Variants in EGLN1 observed in about 807,000 individuals in gnomAD.
The protein encoded by EGLN1 is egl nine homolog 1.
In EGLN1, 17 loss-of-function variants were observed where a neutral mutation model predicts 38.3. The ratio of observed to expected loss-of-function variants is 0.44; its 90% CI spans 0.30 to 0.67. EGLN1 has a LOEUF of 0.67. EGLN1 is among the 30% of genes least tolerant of loss of function. EGLN1 has a pLI of 0.08. For synonymous variants in EGLN1, 283 were observed against 257.5 expected, an observed-to-expected ratio of 1.10 and a Z score of -0.95; for missense variants, 477 against 603.3, an observed-to-expected ratio of 0.79 and a Z score of 2.19.
intron 1 of EGLN1, among the ~76,000 whole-genome samples, chr1:231,398,677 A>G (rs992566822): frequency 2.6e-5 from 4 of 152,232 alleles, no homozygotes; most frequent in African/African-American, 7.2e-5. Flanking sequence ...ATAAGAGAGA[A>G]AGATGAATGT....
Position 231,374,039 on chromosome 1 carries a change from T to G in EGLN1, c.952A>C (p.Asn318His). Residue 318 changes from asparagine to histidine, a missense_variant, in exon 2 of 5, where the codon AAT becomes CAT. Transcript: ENST00000366641. ...TGYVRHVDNP[N>H]GDGRCVTCIY... ...CATGTCACACATCTTCCATCTCCAT[T>G]TGGATTATCAACATGACGTACATAA... is the stretch of plus-strand genomic sequence containing the variant. The G allele has an allele frequency of 6.2e-7, 1 of 1,613,684 alleles. No individual in the cohort carries two copies. Among genetic ancestry groups the G allele is most frequent in the Non-Finnish European group, 8.5e-7 (1 of 1,179,606 alleles).
chr1:231,367,495 T>G, intron 4 of EGLN1, 74 bp downstream of exon 4: 69 of 1,435,858 alleles, frequency 4.8e-5, no homozygotes, highest in Non-Finnish European at 5.9e-5. Flanking sequence ...AGACTATGCT[T>G]GAGTTTCCTG....
chr1:231,367,633 G>A lies in EGLN1; in HGVS notation c.1152C>T (p.Tyr384=), dbSNP rs1687686674. 3 of 1,613,510 alleles carry A rather than the reference G, an allele frequency of 1.9e-6. No homozygotes were observed. Among genetic ancestry groups the A allele is most frequent in the Non-Finnish European group, 2.5e-6 (3 of 1,179,690 alleles). The part of the protein sequence containing the change: ...HEVQPAYATR[Y]AITVWYFDAD... ...CATCAAAATACCAAACAGTTATTGC[G>A]TACCTAAAAGAAAATTTAGAATAGG... is the stretch of plus-strand genomic sequence containing the variant. Residue 384 remains tyrosine, a synonymous_variant, in exon 4 of 5, where the codon TAC becomes TAT. Transcript: ENST00000366641.
chr1:231,386,807 G>A (rs893864462), intron 1 of EGLN1, among the ~76,000 whole-genome samples: 1 of 152,140 alleles, frequency 6.6e-6, no homozygotes, highest in Non-Finnish European at 1.5e-5. Context: ...CAGAAGGTGG[G>A]TTTTACCATC....
intron 1 of EGLN1, among the ~76,000 whole-genome samples, chr1:231,419,385 C>A (rs1261842995): frequency 6.6e-6 from 1 of 152,192 alleles, no homozygotes; most frequent in Non-Finnish European, 1.5e-5. Flanking sequence ...GCTAAATTAA[C>A]TAAGGAAAGC....
chr1:231,385,358 T>C (rs183422002), intron 1 of EGLN1, among the ~76,000 whole-genome samples: 25 of 152,222 alleles, frequency 1.6e-4, no homozygotes, highest in African/African-American at 5.5e-4. Context: ...CAGATGACAA[T>C]TAAAATGACC....
At chr1:231,418,772 G>A (rs1224589780) in intron 1 of EGLN1, among the ~76,000 whole-genome samples, 1 of 151,758 alleles carries the variant, frequency 6.6e-6, no homozygotes, top group African/African-American at 2.4e-5. Flanking sequence ...TGAGATGGCA[G>A]GATAGCTTGA....
chr1:231,380,181 G>C (rs190773693), intron 1 of EGLN1, among the ~76,000 whole-genome samples: 1 of 152,274 alleles, frequency 6.6e-6, no homozygotes, highest in Non-Finnish European at 1.5e-5. Flanking sequence ...AGAGAACAGA[G>C]AACAGATTGT....
intron 1 of EGLN1, among the ~76,000 whole-genome samples, chr1:231,403,860 ATAT>A (rs1688723159): frequency 6.6e-6 from 1 of 151,602 alleles, no homozygotes; most frequent in Admixed American, 6.6e-5. Context: ...TATTTAAGCT[ATAT>A]TGTTATTAAA....
intron 1 of EGLN1, among the ~76,000 whole-genome samples, chr1:231,402,406 T>C (rs2102926979): frequency 6.6e-6 from 1 of 152,190 alleles, no homozygotes; most frequent in East Asian, 1.9e-4. Flanking sequence ...CTCTGATGTT[T>C]TCTTTTAAAG....
intron 1 of EGLN1, among the ~76,000 whole-genome samples, chr1:231,416,712 G>C (rs1689092343): frequency 6.6e-6 from 1 of 152,022 alleles, no homozygotes; most frequent in African/African-American, 2.4e-5. Context: ...CGAACTAAAG[G>C]AGTTAGTTTA....
intron 3 of EGLN1, 78 bp from the exon 4 acceptor site, chr1:231,367,714 A>C: frequency 1.5e-6 from 2 of 1,325,340 alleles, no homozygotes; most frequent in Non-Finnish European, 2.2e-6. Context: ...TGGTATATTA[A>C]AACTTGTAAT....
intron 1 of EGLN1, among the ~76,000 whole-genome samples, chr1:231,417,756 A>G (rs550228251): frequency 1.8e-4 from 28 of 152,196 alleles, no homozygotes; most frequent in Non-Finnish European, 2.8e-4. Context: ...AAGTAGTTGC[A>G]TAAACAGCGG....
In EGLN1 at chr1:231,368,086, G is replaced by A. The variant is rs1181435422; in HGVS notation, c.1149-450C>T. ...GCCTGTAGCCCTAGCTACTCAGGAG[G>A]CTGAGAGGCAGGAGAATCGCTTGAA... On this transcript the variant is annotated intron_variant, in intron 3 of 4. Transcript: ENST00000366641. Among the ~76,000 whole-genome samples the A allele has an allele frequency of 3.9e-5, 6 of 152,322 alleles. No homozygotes were observed. The East Asian group carries it at 9.6e-4, about 24-fold the overall frequency.
intron 1 of EGLN1, among the ~76,000 whole-genome samples, chr1:231,389,938 T>C (rs948432809): frequency 3.3e-5 from 5 of 151,950 alleles, no homozygotes; most frequent in African/African-American, 1.2e-4. Context: ...TACAGCAAGA[T>C]GCTCTCTGAA....
At chr1:231,398,194 G>A (rs530037795) in intron 1 of EGLN1, among the ~76,000 whole-genome samples, 2 of 152,164 alleles carry the variant, frequency 1.3e-5, no homozygotes, top group African/African-American at 4.8e-5. Flanking sequence ...ATTCTACCTT[G>A]CAGTCAATAT....
chr1:231,388,752 TCAAG>T (rs1193824370), intron 1 of EGLN1, among the ~76,000 whole-genome samples: 16 of 152,128 alleles, frequency 1.1e-4, no homozygotes, highest in South Asian at 2.1e-4. Flanking sequence ...CCTCCTGAGT[TCAAG>T]CGATTCTCCT....
chr1:231,394,733 C>G (rs183159215), intron 1 of EGLN1, among the ~76,000 whole-genome samples: 1 of 152,120 alleles, frequency 6.6e-6, no homozygotes, highest in Admixed American at 6.5e-5. Context: ...TTTCTATGTA[C>G]TTACCTGAGA....
intron 1 of EGLN1, among the ~76,000 whole-genome samples, chr1:231,396,553 C>T (rs546638647): frequency 5.9e-5 from 9 of 152,206 alleles, no homozygotes; most frequent in African/African-American, 2.2e-4. Flanking sequence ...AGCCCGGCCC[C>T]TCATTGGCTT....
Sources: allele counts gnomAD v4.1 joint callset (sites outside exome capture counted in the v4.1 genomes callset), GRCh38; gene constraint gnomAD v4.1.1; transcripts MANE v1.5; gene names NCBI Gene and HGNC (gene_info 2026-07-23, HGNC 2026-07-21).